IGSF21: variants seen among roughly 807,000 people sequenced by gnomAD.
IGSF21 encodes immunoglobulin superfamily member 21.
IGSF21 carries 28 observed loss-of-function variants against 46.8 expected under a neutral mutation model. That is an observed-to-expected ratio of 0.60 (90% confidence interval 0.44 to 0.82). The LOEUF (loss-of-function observed/expected upper bound fraction) is 0.82, where lower values mean the gene tolerates loss of function less well. Among genes scored for constraint, IGSF21 ranks in the 40% least tolerant of loss-of-function variants. IGSF21 has a pLI of 0.00. For synonymous variants in IGSF21, 284 were observed against 273.6 expected (o/e 1.04, Z -0.38); for missense variants, 624 against 665.5 (o/e 0.94, Z 0.69).
chr1:18,244,510 A>G (rs552307248), intron 2 of IGSF21, among the ~76,000 whole-genome samples: 12 of 152,356 alleles, frequency 7.9e-5, no homozygotes, highest in African/African-American at 1.9e-4. Context: ...AGTGGACTCA[A>G]TGCCGGAACA....
chr1:18,231,611 T>G (rs777104332), intron 2 of IGSF21, among the ~76,000 whole-genome samples: 32 of 152,350 alleles, frequency 2.1e-4, no homozygotes, highest in Middle Eastern at 3.4e-3. Flanking sequence ...ACATTTAAAT[T>G]AAATCAAATT....
chr1:18,278,309 A>T (rs2085123858), intron 2 of IGSF21, among the ~76,000 whole-genome samples: 1 of 151,032 alleles, frequency 6.6e-6, no homozygotes, highest in Non-Finnish European at 1.5e-5. Flanking sequence ...GCGCGATCTC[A>T]GCTCACTGCA....
intron 2 of IGSF21, among the ~76,000 whole-genome samples, chr1:18,266,449 G>A (rs1014193033): frequency 5.3e-5 from 8 of 152,220 alleles, no homozygotes; most frequent in Non-Finnish European, 1.2e-4. Context: ...AGGTGGATGA[G>A]CTAGGTAGCT....
chr1:18,187,062 T>C (rs2086909903), intron 1 of IGSF21, among the ~76,000 whole-genome samples: 1 of 152,136 alleles, frequency 6.6e-6, no homozygotes, highest in South Asian at 2.1e-4. Context: ...GTAAACTGCG[T>C]GGCTTCAACT....
intron 3 of IGSF21, among the ~76,000 whole-genome samples, chr1:18,314,061 G>C (rs140642263): frequency 7.9e-5 from 12 of 152,218 alleles, no homozygotes; most frequent in Non-Finnish European, 1.5e-4. Flanking sequence ...AATATCATTG[G>C]GCAAGGCTGC....
intron 9 of IGSF21, 72 bp downstream of exon 9, chr1:18,377,503 C>T: frequency 8.2e-7 from 1 of 1,222,264 alleles, no homozygotes; most frequent in Non-Finnish European, 1.2e-6. Context: ...CTCTGGTCCC[C>T]CAAACTTCCC....
At chr1:18,268,050 C>T (rs913650461) in intron 2 of IGSF21, among the ~76,000 whole-genome samples, 3 of 152,176 alleles carry the variant, frequency 2.0e-5, no homozygotes, top group Non-Finnish European at 4.4e-5. Context: ...CTGCTGTGTC[C>T]CCAGTGCCCA....
intron 1 of IGSF21, among the ~76,000 whole-genome samples, chr1:18,217,410 G>T (rs1007405251): frequency 1.3e-5 from 2 of 152,208 alleles, no homozygotes; most frequent in Non-Finnish European, 2.9e-5. Context: ...CAAAATAACT[G>T]GTCCTGAGCT....
intron 2 of IGSF21, among the ~76,000 whole-genome samples, chr1:18,263,736 G>T (rs1435582458): frequency 6.6e-6 from 1 of 152,088 alleles, no homozygotes; most frequent in Non-Finnish European, 1.5e-5. Context: ...CACTCTTCCT[G>T]TAAAACCCAG....
intron 1 of IGSF21, 39 bp downstream of exon 1, chr1:18,108,237 C>G (rs1235855918): frequency 6.8e-6 from 9 of 1,323,442 alleles, no homozygotes; most frequent in Non-Finnish European, 8.7e-6. Flanking sequence ...GAGCGGTGAA[C>G]GTGCGCGGGG....
rs2087054290 is a variant in IGSF21 at position 18,199,992 on chromosome 1, G to A, written c.71-27906G>A. Among the ~76,000 whole-genome samples the A allele has an allele frequency of 3.9e-5, 6 of 152,082 alleles. No individual in the cohort carries two copies. In the South Asian group the frequency reaches 1.0e-3, roughly 26 times the overall value. On this transcript the variant is annotated intron_variant, in intron 1 of 9. Coordinates refer to ENST00000251296, the MANE Select transcript of IGSF21 (RefSeq NM_032880.5). ...GGAGCGGGTCCAAGGGGGCTCTGGG[G>A]ATCCAGACAAAGACCCCAAGCCCCT...
intron 1 of IGSF21, among the ~76,000 whole-genome samples, chr1:18,118,596 G>T (rs1176520936): frequency 6.6e-6 from 1 of 152,234 alleles, no homozygotes; most frequent in Non-Finnish European, 1.5e-5. Context: ...AAGGAGTGAG[G>T]TGGGGGGCGG....
At chr1:18,330,967 T>G (rs920890140) in intron 3 of IGSF21, among the ~76,000 whole-genome samples, 1 of 152,204 alleles carries the variant, frequency 6.6e-6, no homozygotes, top group Non-Finnish European at 1.5e-5. Flanking sequence ...TAGTTCACAG[T>G]AGGGTTCACT....
intron 4 of IGSF21, among the ~76,000 whole-genome samples, chr1:18,357,730 G>A (rs1340456386): frequency 2.6e-5 from 4 of 152,108 alleles, no homozygotes; most frequent in Non-Finnish European, 5.9e-5. Flanking sequence ...GGGACTCCTG[G>A]ATGGAGACGG....
chr1:18,175,774 T>G (rs568962708), intron 1 of IGSF21, among the ~76,000 whole-genome samples: 1 of 152,192 alleles, frequency 6.6e-6, no homozygotes. Context: ...AGAGCCATGT[T>G]CCCTCCGCCT....
intron 4 of IGSF21, among the ~76,000 whole-genome samples, chr1:18,349,565 C>G (rs918000519): frequency 6.6e-6 from 1 of 152,100 alleles, no homozygotes; most frequent in Non-Finnish European, 1.5e-5. Context: ...GAGGGGGCAC[C>G]CCTGCATGGC....
chr1:18,229,093 G>A (rs1285482263), intron 2 of IGSF21, among the ~76,000 whole-genome samples: 5 of 152,084 alleles, frequency 3.3e-5, no homozygotes, highest in Admixed American at 2.6e-4. Flanking sequence ...CTTGGTTCAT[G>A]GGCTATAGTT....
intron 5 of IGSF21, among the ~76,000 whole-genome samples, chr1:18,364,077 G>A (rs1238128943): frequency 6.6e-6 from 1 of 152,140 alleles, no homozygotes; most frequent in East Asian, 1.9e-4. Flanking sequence ...GGGGCTGTAG[G>A]AAGACCCCTC....
chr1:18,341,578 T>G (rs369050394), intron 4 of IGSF21, among the ~76,000 whole-genome samples: 2 of 152,166 alleles, frequency 1.3e-5, no homozygotes, highest in Non-Finnish European at 2.9e-5. Flanking sequence ...CTTCTTGTGT[T>G]AACTCACTGA....
Sources: gnomAD v4.1 joint callset for allele counts (sites outside exome capture counted in the v4.1 genomes callset) on GRCh38, gnomAD v4.1.1 for gene constraint, MANE v1.5 for transcripts, NCBI Gene and HGNC (gene_info 2026-07-23, HGNC 2026-07-21) for gene names.